ADGRL2: variants seen among roughly 807,000 people sequenced by gnomAD.
ADGRL2 encodes adhesion G protein-coupled receptor L2, also known as calcium-independent alpha-latrotoxin receptor 2.
Under a neutral mutation model 157.4 loss-of-function variants are expected in ADGRL2, and 44 were observed. That is an observed-to-expected ratio of 0.28 (90% CI 0.22 to 0.36). The LOEUF (loss-of-function observed/expected upper bound fraction) is 0.36, where lower values mean the gene tolerates loss of function less well. Among genes scored for constraint, ADGRL2 ranks in the 10% least tolerant of loss-of-function variants. The pLI is 1.00. For synonymous variants in ADGRL2, 585 were observed against 624.7 expected, an observed-to-expected ratio of 0.94 and a Z score of 0.95; for missense variants, 1,510 against 1,768.9, an observed-to-expected ratio of 0.85 and a Z score of 2.63.
intron 2 of ADGRL2, among the ~76,000 whole-genome samples, chr1:81,903,006 A>G (rs1281420477): frequency 1.3e-5 from 2 of 152,234 alleles, no homozygotes; most frequent in Non-Finnish European, 2.9e-5. Flanking sequence ...ATCACTTGAA[A>G]TGTTGGAATA....
intron 1 of ADGRL2, among the ~76,000 whole-genome samples, chr1:81,354,434 T>C (rs2100857173): frequency 6.6e-6 from 1 of 152,294 alleles, no homozygotes; most frequent in African/African-American, 2.4e-5. Context: ...TTGTACCTAA[T>C]ACACAACCAG....
intron 2 of ADGRL2, among the ~76,000 whole-genome samples, chr1:81,500,030 AG>A (rs1205097923): frequency 3.3e-5 from 5 of 152,220 alleles, no homozygotes; most frequent in African/African-American, 1.2e-4. Context: ...TTCTTAACTC[AG>A]TGTCAGTCAC....
At chr1:81,980,249 C>T (rs1661275482) in intron 18 of ADGRL2, among the ~76,000 whole-genome samples, 1 of 151,590 alleles carries the variant, frequency 6.6e-6, no homozygotes, top group South Asian at 2.1e-4. Flanking sequence ...AAATGATTTT[C>T]GTATTTGCAT....
At chr1:81,805,736 A>G (rs2149554405) in intron 1 of ADGRL2, among the ~76,000 whole-genome samples, 1 of 152,014 alleles carries the variant, frequency 6.6e-6, no homozygotes, top group Non-Finnish European at 1.5e-5. Context: ...TGGTTAAAAA[A>G]AAAAAAAAAG....
intron 1 of ADGRL2, among the ~76,000 whole-genome samples, chr1:81,337,343 G>T (rs1242601372): frequency 1.4e-5 from 2 of 141,770 alleles, no homozygotes; most frequent in African/African-American, 5.0e-5. Context: ...GGGGTTGTGG[G>T]TATCCCCCTA....
chr1:81,841,669 G>A (rs922903556), intron 2 of ADGRL2, among the ~76,000 whole-genome samples: 3 of 151,810 alleles, frequency 2.0e-5, no homozygotes, highest in African/African-American at 7.3e-5. Flanking sequence ...GTGTATATAT[G>A]TGCACGCGCA....
chr1:81,825,916 A>T (rs2091439128), intron 1 of ADGRL2, among the ~76,000 whole-genome samples: 1 of 152,090 alleles, frequency 6.6e-6, no homozygotes. Flanking sequence ...CAGCTTTGAG[A>T]TTTTTGCAGA....
intron 1 of ADGRL2, among the ~76,000 whole-genome samples, chr1:81,820,981 G>C (rs1246669369): frequency 2.6e-5 from 4 of 152,090 alleles, no homozygotes; most frequent in African/African-American, 9.7e-5. Context: ...GTCAGTAGAG[G>C]ATCCTTGTCA....
chr1:81,799,836 G>A (rs181063564), upstream of ADGRL2, among the ~76,000 whole-genome samples: 1 of 152,032 alleles, frequency 6.6e-6, no homozygotes, highest in East Asian at 1.9e-4. Context: ...AGAATCAGTG[G>A]TTTACAAATA....
chr1:81,351,235 CTTT>C (rs748195286), intron 1 of ADGRL2, among the ~76,000 whole-genome samples: 1 of 142,208 alleles, frequency 7.0e-6, no homozygotes, highest in Admixed American at 7.1e-5. Context: ...GAGGTTGTTC[CTTT>C]TTTTTTTTTA....
intron 2 of ADGRL2, among the ~76,000 whole-genome samples, chr1:81,495,462 T>A (rs1353209489): frequency 2.0e-5 from 3 of 152,196 alleles, no homozygotes; most frequent in African/African-American, 7.2e-5. Context: ...CATTTCTAAT[T>A]AAATTCCATT....
At chr1:81,743,772 G>A (rs1359956893) in intron 1 of ADGRL2, among the ~76,000 whole-genome samples, 1 of 152,096 alleles carries the variant, frequency 6.6e-6, no homozygotes, top group Admixed American at 6.6e-5. Flanking sequence ...ATGTGGTGAT[G>A]AGTGGATCTT....
rs140168898 is a variant in ADGRL2 at position 81,911,122 on chromosome 1, T to G, written c.287+3892T>G. Among the ~76,000 whole-genome samples, 3 of 152,268 alleles carry G rather than the reference T, an allele frequency of 2.0e-5. No homozygotes were observed. In the East Asian group the frequency reaches 5.8e-4, roughly 29 times the overall value. ...GACATGGTAAAAATATTGTATTCAC[T>G]CTCCATTTTCTATTTCCTGTTCATT... is the stretch of plus-strand genomic sequence containing the variant. On this transcript the variant is annotated intron_variant, in intron 3 of 23. Transcript: ENST00000686636.
chr1:81,512,760 T>C (rs2079102764), intron 2 of ADGRL2, among the ~76,000 whole-genome samples: 1 of 152,198 alleles, frequency 6.6e-6, no homozygotes, highest in Non-Finnish European at 1.5e-5. Flanking sequence ...CATTCAGTAA[T>C]ACTGTTTTGT....
chr1:81,338,273 GA>G (rs1661798664), intron 1 of ADGRL2, among the ~76,000 whole-genome samples: 1 of 152,124 alleles, frequency 6.6e-6, no homozygotes. Flanking sequence ...TAAGGCCCAA[GA>G]ATCTCTTAAA....
intron 1 of ADGRL2, among the ~76,000 whole-genome samples, chr1:81,824,158 A>G (rs1282211258): frequency 3.9e-5 from 6 of 152,200 alleles, no homozygotes; most frequent in African/African-American, 7.2e-5. Flanking sequence ...TATTACTTGC[A>G]GTTTAAGCCT....
chr1:81,579,875 A>G (rs569030883), intron 2 of ADGRL2, among the ~76,000 whole-genome samples: 55 of 152,198 alleles, frequency 3.6e-4, no homozygotes, highest in Admixed American at 3.6e-3. Context: ...CTATATGGCC[A>G]AATTGCTCTG....
intron 2 of ADGRL2, among the ~76,000 whole-genome samples, chr1:81,874,591 CTGTCTTGTCTTGTCTTGTT>C (rs1382837987): frequency 7.3e-5 from 11 of 150,976 alleles, no homozygotes; most frequent in Non-Finnish European, 1.5e-4. Context: ...TTCTTTCTGT[CTGTCTTGTCTTGTCTTGTT>C]TGTCTTGTCT....
At chr1:81,458,911 C>A (rs199635528) in intron 2 of ADGRL2, among the ~76,000 whole-genome samples, 1 of 152,100 alleles carries the variant, frequency 6.6e-6, no homozygotes, top group African/African-American at 2.4e-5. Context: ...ATTCTTGTCC[C>A]GCCACCAGAA....
Sources: allele counts gnomAD v4.1 joint callset (sites outside exome capture counted in the v4.1 genomes callset), GRCh38; gene constraint gnomAD v4.1.1; transcripts MANE v1.5; gene names NCBI Gene and HGNC (gene_info 2026-07-23, HGNC 2026-07-21).